Variants in RTL4 observed in about 807,000 individuals in gnomAD.
RTL4 encodes retrotransposon Gag-like protein 4.
In RTL4, 4 loss-of-function variants were observed where a neutral mutation model predicts 5.3. The ratio of observed to expected loss-of-function variants is 0.75; its 90% CI spans 0.37 to 1.72. The LOEUF (loss-of-function observed/expected upper bound fraction) is 1.72. Among genes scored for constraint, RTL4 ranks in the 40% most tolerant of loss-of-function variants. RTL4 has a pLI of 0.04. For synonymous variants in RTL4, 98 were observed against 87.3 expected (o/e 1.12, Z -0.68); for missense variants, 260 against 227.1 (o/e 1.14, Z -0.93).
the RTL4 span, among the ~76,000 whole-genome samples, chrX:112,348,507 C>T: frequency 9.1e-6 from 1 of 109,786 alleles, no homozygotes. Context: ...CACACACACA[C>T]ATACACCCAC....
the RTL4 span, among the ~76,000 whole-genome samples, chrX:112,288,698 A>G: frequency 4.5e-5 from 5 of 111,538 alleles, no homozygotes; most frequent in South Asian, 3.8e-4. Flanking sequence ...TCTTCTCTAT[A>G]CCATCCTTAT....
chrX:112,176,275 A>G, the RTL4 span, among the ~76,000 whole-genome samples: 2 of 112,296 alleles, frequency 1.8e-5, no homozygotes, highest in Non-Finnish European at 3.8e-5. Flanking sequence ...GGAAGAATCA[A>G]TATCGTGAAA....
the RTL4 span, among the ~76,000 whole-genome samples, chrX:112,439,380 G>C: frequency 8.9e-6 from 1 of 111,789 alleles, no homozygotes; most frequent in Non-Finnish European, 1.9e-5. Flanking sequence ...GAGGCTTGGA[G>C]TTGGATGTAA....
chrX:112,153,946 T>C, the RTL4 span, among the ~76,000 whole-genome samples: 2 of 111,106 alleles, frequency 1.8e-5, no homozygotes, highest in African/African-American at 6.5e-5. Flanking sequence ...TTTCTCCTGT[T>C]CTTCTGCAAC....
chrX:112,286,560 G>C, the RTL4 span, among the ~76,000 whole-genome samples: 1 of 111,727 alleles, frequency 9.0e-6, no homozygotes, highest in Non-Finnish European at 1.9e-5. Flanking sequence ...TGATGGACTA[G>C]AGTGATAGCA....
the RTL4 span, among the ~76,000 whole-genome samples, chrX:112,230,918 C>T: frequency 2.9e-3 from 318 of 111,106 alleles, no homozygotes; most frequent in African/African-American, 9.5e-3. Context: ...GTGAAGGATA[C>T]GAACAGACAC....
At chrX:112,112,504 A>G in the RTL4 span, among the ~76,000 whole-genome samples, 2 of 112,107 alleles carry the variant, frequency 1.8e-5, no homozygotes, top group Non-Finnish European at 3.8e-5. Flanking sequence ...GGCTGTATTC[A>G]TTCCTTGTTG....
chrX:112,118,556 TTA>T, the RTL4 span, among the ~76,000 whole-genome samples: 1 of 111,928 alleles, frequency 8.9e-6, no homozygotes, highest in African/African-American at 3.2e-5. Flanking sequence ...ATTACTTCAT[TTA>T]TATGATATTT....
At chrX:112,116,863 C>G in the RTL4 span, among the ~76,000 whole-genome samples, 1 of 111,356 alleles carries the variant, frequency 9.0e-6, no homozygotes, top group African/African-American at 3.3e-5. Flanking sequence ...CTGTTCAATT[C>G]ATGCTAATAT....
chrX:112,236,395 TATA>T, the RTL4 span, among the ~76,000 whole-genome samples: 1 of 86,288 alleles, frequency 1.2e-5, no homozygotes, highest in African/African-American at 4.3e-5. Flanking sequence ...TTCATATATA[TATA>T]ATATAGATAT....
the RTL4 span, among the ~76,000 whole-genome samples, chrX:112,104,084 C>G: frequency 4.8e-4 from 54 of 111,495 alleles, 1 homozygote; most frequent in Non-Finnish European, 7.0e-4. Flanking sequence ...CTATTAACCA[C>G]CATTCTATTC....
At chrX:112,434,580 T>G in the RTL4 span, among the ~76,000 whole-genome samples, 1 of 111,478 alleles carries the variant, frequency 9.0e-6, no homozygotes, top group Non-Finnish European at 1.9e-5. Context: ...GGTGGTGATA[T>G]CCCCCTTATC....
At chrX:112,109,180 A>G in the RTL4 span, among the ~76,000 whole-genome samples, 9 of 111,812 alleles carry the variant, frequency 8.0e-5, no homozygotes, top group Non-Finnish European at 3.8e-5. Context: ...TGTGCATAGA[A>G]GGCTGTTCAA....
the RTL4 span, among the ~76,000 whole-genome samples, chrX:112,295,714 G>A: frequency 1.8e-5 from 2 of 112,604 alleles, no homozygotes; most frequent in South Asian, 3.7e-4. Flanking sequence ...CAGAAAAAGC[G>A]AGCTTAATGG....
chrX:112,085,226 C>T, the RTL4 span, among the ~76,000 whole-genome samples: 1 of 112,032 alleles, frequency 8.9e-6, no homozygotes, highest in Admixed American at 9.4e-5. Flanking sequence ...GCTACATCTG[C>T]AAAAGTGGCT....
chrX:112,343,693 T>C, the RTL4 span, among the ~76,000 whole-genome samples: 30 of 112,060 alleles, frequency 2.7e-4, no homozygotes, highest in African/African-American at 9.4e-4. Flanking sequence ...CCAGGACTAG[T>C]GTATTGAAGA....
chrX:112,310,415 T>TG, the RTL4 span, among the ~76,000 whole-genome samples: 1 of 20,368 alleles, frequency 4.9e-5, no homozygotes, highest in African/African-American at 1.9e-4. Context: ...TATATATATA[T>TG]TTAATATAAT....
the RTL4 span, among the ~76,000 whole-genome samples, chrX:112,362,268 A>G: frequency 8.9e-6 from 1 of 112,033 alleles, no homozygotes; most frequent in Admixed American, 9.5e-5. Context: ...AGCAATGAAC[A>G]AGAAAGGTGT....
the RTL4 span, among the ~76,000 whole-genome samples, chrX:112,335,597 ATAAAG>A: frequency 9.0e-6 from 1 of 110,620 alleles, no homozygotes; most frequent in African/African-American, 3.3e-5. Flanking sequence ...GGGTTTTATT[ATAAAG>A]TATTCTCATT....
Sources: gnomAD v4.1 joint callset for allele counts (sites outside exome capture counted in the v4.1 genomes callset) on GRCh38, gnomAD v4.1.1 for gene constraint, MANE v1.5 for transcripts, NCBI Gene and HGNC (gene_info 2026-07-23, HGNC 2026-07-21) for gene names.